The following DNAH9 variants were observed in gnomAD, a reference collection of about 807,000 sequenced individuals.
DNAH9 encodes DNAH9 variant protein.
In DNAH9, 345 loss-of-function variants were observed where a neutral mutation model predicts 471.6. That is an observed-to-expected ratio of 0.73 (90% CI 0.67 to 0.80). DNAH9 has a LOEUF of 0.80. DNAH9 is among the 30% of genes least tolerant of loss of function. The probability of loss-of-function intolerance (pLI) is 0.00; values close to 1 mark genes in which losing one functional copy is unlikely to be tolerated. For synonymous variants in DNAH9, 2,093 were observed against 2,123.6 expected, an observed-to-expected ratio of 0.99 and a Z score of 0.40; for missense variants, 5,407 against 5,609.2, an observed-to-expected ratio of 0.96 and a Z score of 1.15.
In DNAH9 at chr17:11,717,442, A is replaced by G. The variant is rs565692224; in HGVS notation, c.5553-1892A>G. The stretch of plus-strand genomic sequence containing the variant: ...TAGTCAAGTCAGTAGAAACCCAGCC[A>G]CCATCTGACATAAAGATGGTGTCTT... On this transcript the variant is annotated intron_variant, in intron 26 of 68. Transcript: ENST00000262442. 9.2e-5 allele frequency among the ~76,000 whole-genome samples: 14 copies of G among 152,138 alleles called. No homozygotes were observed. The East Asian group carries it at 2.7e-3, about 29-fold the overall frequency.
intron 33 of DNAH9, among the ~76,000 whole-genome samples, chr17:11,755,687 T>TAC (rs375603663): frequency 0.055 from 8,172 of 148,526 alleles, 549 homozygotes; most frequent in African/African-American, 0.17. Flanking sequence ...TCAACACACA[T>TAC]ACACACACAC....
At chr17:11,876,471 T>TA (rs1158471784) in intron 53 of DNAH9, among the ~76,000 whole-genome samples, 4 of 150,578 alleles carry the variant, frequency 2.7e-5, no homozygotes, top group East Asian at 3.9e-4. Flanking sequence ...AAATTGAAGT[T>TA]AAAAAAAAGG....
intron 57 of DNAH9, among the ~76,000 whole-genome samples, chr17:11,888,854 G>A (rs1972963378): frequency 6.6e-6 from 1 of 152,186 alleles, no homozygotes; most frequent in Admixed American, 6.5e-5. Flanking sequence ...AGAGAAAGAA[G>A]AGGCATTCTC....
intron 17 of DNAH9, among the ~76,000 whole-genome samples, chr17:11,670,889 G>T (rs2073962112): frequency 6.6e-6 from 1 of 152,256 alleles, no homozygotes; most frequent in East Asian, 1.9e-4. Flanking sequence ...TTTTAGTGGA[G>T]ACAGGGTTTC....
At chr17:11,956,113 C>G (rs892321379) in intron 67 of DNAH9, among the ~76,000 whole-genome samples, 1 of 151,914 alleles carries the variant, frequency 6.6e-6, no homozygotes, top group African/African-American at 2.4e-5. Context: ...AAAAAAACTA[C>G]GTATCCAGCT....
intron 14 of DNAH9, among the ~76,000 whole-genome samples, chr17:11,662,338 T>C (rs192718531): frequency 5.8e-4 from 88 of 152,334 alleles, no homozygotes; most frequent in Middle Eastern, 6.8e-3. Flanking sequence ...AAATTCTTTT[T>C]CACTAAATTT....
intron 50 of DNAH9, among the ~76,000 whole-genome samples, chr17:11,859,027 T>C (rs1971727549): frequency 7.3e-6 from 1 of 137,432 alleles, no homozygotes; most frequent in East Asian, 2.1e-4. Context: ...GAGGTTGCAG[T>C]GAGCCAAGAT....
At chr17:11,956,113 C>T (rs892321379) in intron 67 of DNAH9, among the ~76,000 whole-genome samples, 19 of 151,914 alleles carry the variant, frequency 1.3e-4, no homozygotes, top group Non-Finnish European at 4.4e-5. Flanking sequence ...AAAAAAACTA[C>T]GTATCCAGCT....
chr17:11,613,006 T>A (rs1434575826), intron 4 of DNAH9, among the ~76,000 whole-genome samples: 1 of 152,166 alleles, frequency 6.6e-6, no homozygotes, highest in Non-Finnish European at 1.5e-5. Context: ...TTTGCAAACA[T>A]CTTAGCTAAA....
chr17:11,965,307 T>C (rs148532137), intron 68 of DNAH9, among the ~76,000 whole-genome samples: 72 of 152,348 alleles, frequency 4.7e-4, no homozygotes, highest in African/African-American at 1.6e-3. Flanking sequence ...GCTCCAACAC[T>C]TGCACACAGC....
At chr17:11,772,289 T>G (rs1968239649) in intron 38 of DNAH9, among the ~76,000 whole-genome samples, 1 of 152,012 alleles carries the variant, frequency 6.6e-6, no homozygotes, top group Admixed American at 6.6e-5. Flanking sequence ...AAAAAGTGAT[T>G]TAATTCTATT....
intron 39 of DNAH9, among the ~76,000 whole-genome samples, chr17:11,782,836 G>A (rs7208906): frequency 0.049 from 7,506 of 152,240 alleles, 639 homozygotes; most frequent in African/African-American, 0.17. Context: ...GGTAGAGGTT[G>A]CAGTGAGCCG....
chr17:11,777,209 T>A (rs1244818868), intron 38 of DNAH9, among the ~76,000 whole-genome samples: 4 of 152,178 alleles, frequency 2.6e-5, no homozygotes, highest in Admixed American at 1.3e-4. Context: ...AAACACAGAT[T>A]TAGTTCTGAG....
intron 29 of DNAH9, among the ~76,000 whole-genome samples, chr17:11,741,835 C>T (rs2075436882): frequency 6.6e-6 from 1 of 152,300 alleles, no homozygotes; most frequent in South Asian, 2.1e-4. Context: ...TTTACTAATT[C>T]ATGCCTTGTG....
chr17:11,760,781 G>A (rs994098166), intron 35 of DNAH9, among the ~76,000 whole-genome samples: 2 of 152,158 alleles, frequency 1.3e-5, no homozygotes, highest in African/African-American at 4.8e-5. Flanking sequence ...GCCTCCCAAA[G>A]TGCTGGGATT....
chr17:11,704,346 T>C lies in DNAH9; in HGVS notation c.5295T>C (p.Ile1765=), dbSNP rs2150777127. 1 of 1,614,220 alleles carries C rather than the reference T, an allele frequency of 6.2e-7. No homozygotes were observed. The highest frequency in any genetic ancestry group is 8.5e-7 in the Non-Finnish European group (1 of 1,180,046). Residue 1765 remains isoleucine (I), a synonymous_variant, in exon 25 of 69, where the codon ATT becomes ATC. Transcript: ENST00000262442. ...AQLKTLITML[I]GQLSKGDRQK... ...TCAAAACCCTTATCACCATGCTGAT[T>C]GGCCAGCTCTCCAAGGGAGACCGGC...
In DNAH9 at chr17:11,763,448, A is replaced by G. The variant is rs779282187; in HGVS notation, c.7004A>G (p.Lys2335Arg). The change falls in exon 36 of 69, where the codon AAG becomes AGG. Residue 2335 changes from lysine (K) to arginine (R), a missense_variant. Around this residue, in one of 3 missense-constraint regions of DNAH9, gnomAD observed 4,636 missense variants for 4,900.3 expected, o/e 0.95. Coordinates refer to ENST00000262442, the MANE Select transcript of DNAH9 (RefSeq NM_001372.4). Reference protein sequence around the residue: ...CLDTLRTRFKKIIPIPEQSMV... With the variant: ...CLDTLRTRFKRIIPIPEQSMV... ...CGGGTCTCTCTTTGCAGGTTTAAGAAGATCATTCCCATCCCAGAGCAGAGC... is the reference window on the plus strand; with the variant it reads ...CGGGTCTCTCTTTGCAGGTTTAAGAGGATCATTCCCATCCCAGAGCAGAGC... The G allele has an allele frequency of 6.2e-7, 1 of 1,613,976 alleles. No homozygotes were observed. Among genetic ancestry groups the G allele is most frequent in the Non-Finnish European group, 8.5e-7 (1 of 1,179,922 alleles).
chr17:11,610,639 A>C, intron 3 of DNAH9, 85 bp downstream of exon 3: 1 of 1,309,658 alleles, frequency 7.6e-7, no homozygotes, highest in Non-Finnish European at 1.1e-6. Flanking sequence ...TTAAGCCACC[A>C]TTGAGCCTAT....
At position 11,753,083 on chromosome 17, in the gene DNAH9, C is replaced by T; in HGVS notation, c.6738+123C>T. ...TGGCTGGCTCAGAGTAAGGAACTAT[C>T]ATCAGCATCTTCACCACACATCTCT... On this transcript the variant is annotated intron_variant, in intron 33 of 68. Transcript: ENST00000262442. 5 of 768,932 alleles carry T rather than the reference C, an allele frequency of 6.5e-6. 1 individual carries two copies. In the South Asian group the frequency reaches 8.5e-5, roughly 13 times the overall value. The allele number at this position is 768,932 out of a possible 1,614,324, so 47.6% of individuals were successfully genotyped here. A position where few individuals can be genotyped will look rare whatever the true frequency, so the allele number is the denominator to read the frequency against.
Sources: allele counts gnomAD v4.1 joint callset (sites outside exome capture counted in the v4.1 genomes callset), GRCh38; gene constraint gnomAD v4.1.1; regional missense constraint gnomAD v4.1.1; transcripts MANE v1.5; gene names NCBI Gene and HGNC (gene_info 2026-07-23, HGNC 2026-07-21).